SOD2: variants seen among roughly 807,000 people sequenced by gnomAD.
SOD2 encodes the protein superoxide dismutase [Mn], mitochondrial.
In SOD2, 11 loss-of-function variants were observed where a neutral mutation model predicts 27.0. The observed-to-expected ratio is 0.41, with a 90% confidence interval of 0.26 to 0.67. The LOEUF is 0.67. SOD2 is among the 30% of genes least tolerant of loss of function. The probability of loss-of-function intolerance (pLI) is 0.34; values close to 1 mark genes in which losing one functional copy is unlikely to be tolerated. For missense variants in SOD2, 250 were observed against 274.5 expected, an observed-to-expected ratio of 0.91 and a Z score of 0.63; for synonymous variants, 105 against 103.0, an observed-to-expected ratio of 1.02 and a Z score of -0.12.
chr6:159,727,825 C>A, upstream of SOD2: 1 of 681,192 alleles, frequency 1.5e-6, no homozygotes, highest in Non-Finnish European at 1.8e-6. Context: ...GGGCCTGGTG[C>A]GGCACCGGTC....
chr6:159,755,760 C>CTTTTTTTTTTTTTTTTTTTTTTTTTTTT (rs1779984995), intron 1 of SOD2: 3 of 283,704 alleles, frequency 1.1e-5, no homozygotes, highest in African/African-American at 1.0e-4. Flanking sequence ...TTTTTTTTTT[C>CTTTTTTTTTTTTTTTTTTTTTTTTTTTT]TTTTCTTTTT....
chr6:159,692,817 G>T lies in SOD2; in HGVS notation c.70C>A (p.Gln24Lys), dbSNP rs1304362674. The T allele has an allele frequency of 1.2e-6, 2 of 1,613,590 alleles. No homozygotes were observed. Among genetic ancestry groups the T allele is most frequent in the Admixed American group, 3.3e-5 (2 of 59,948 alleles). ...GGCAGGTCGGGGAGGCTGTGCTTCT[G>T]CCTGGAGCCCAGATACCCCAAAACC... ...APVLGYLGSR[Q>K]KHSLPDLPYD... is the part of the protein sequence containing the mutation. The change falls in exon 2 of 5, where the codon CAG becomes AAG. Residue 24 changes from glutamine (Q) to lysine (K), a missense_variant. Physicochemically the swap from Gln to Lys is moderately conservative, Grantham distance 53 (BLOSUM62 1). Coordinates refer to ENST00000538183, the MANE Select transcript of SOD2 (RefSeq NM_000636.4).
intron 1 of SOD2, among the ~76,000 whole-genome samples, chr6:159,710,266 A>AGTACAT (rs1777706868): frequency 1.4e-5 from 1 of 71,862 alleles, no homozygotes; most frequent in Non-Finnish European, 3.0e-5. Flanking sequence ...TTAAAGTATA[A>AGTACAT]ATACATATAT....
chr6:159,756,866 C>T (rs546631836), intron 1 of SOD2, among the ~76,000 whole-genome samples: 17 of 152,192 alleles, frequency 1.1e-4, no homozygotes, highest in African/African-American at 3.1e-4. Context: ...GGCTTCCCAA[C>T]GTGTTGGGAT....
Position 159,675,601 on chromosome 6 carries a change from G to C in SOD2, c.*6892C>G, listed in dbSNP as rs1450338994. The stretch of plus-strand genomic sequence containing the variant: ...ACACCTTATACAAAAATTAATTCAA[G>C]ATGGATTAAAGACTTAAATGTTAGA... On this transcript the variant is annotated 3_prime_UTR_variant, in exon 5 of 5. Coordinates refer to ENST00000538183, the MANE Select transcript of SOD2 (RefSeq NM_000636.4). The C allele has an allele frequency of 2.6e-5, 4 of 152,158 alleles. No homozygotes were observed. Among genetic ancestry groups the C allele is most frequent in the Admixed American group, 2.6e-4 (4 of 15,276 alleles). 9.4% of individuals were successfully genotyped at this position (152,158 alleles called of 1,614,324 possible).
Position 159,676,554 on chromosome 6 carries a change from A to G in SOD2, c.*5939T>C, listed in dbSNP as rs1779784659. ...TAGATGGGAATTGAACAATGAGAAC[A>G]CTTGGACACAGGAAGGGGAACATCA... On this transcript the variant is annotated 3_prime_UTR_variant, in exon 5 of 5. Transcript: ENST00000538183. The G allele has an allele frequency of 6.6e-6, 1 of 152,116 alleles. No homozygotes were observed. Among genetic ancestry groups the G allele is most frequent in the Non-Finnish European group, 1.5e-5 (1 of 68,044 alleles). 9.4% of individuals were successfully genotyped at this position (152,116 alleles called of 1,614,324 possible).
chr6:159,694,697 G>A (rs1273195870), upstream of SOD2, among the ~76,000 whole-genome samples: 1 of 151,982 alleles, frequency 6.6e-6, no homozygotes, highest in Non-Finnish European at 1.5e-5. Context: ...CCGGGTTCAA[G>A]CGATTCTCCT....
chr6:159,690,962 G>C (rs536210190), intron 2 of SOD2: 11 of 152,236 alleles, frequency 7.2e-5, no homozygotes, highest in Non-Finnish European at 1.5e-4. Flanking sequence ...AATGTGATGA[G>C]ATTATGACAT....
intron 1 of SOD2, among the ~76,000 whole-genome samples, chr6:159,752,182 C>T (rs147136706): frequency 6.6e-6 from 1 of 152,036 alleles, no homozygotes; most frequent in African/African-American, 2.4e-5. Context: ...GTGTATCAGG[C>T]AAGTGAAAGC....
chr6:159,726,168 A>T (rs1562445251), intron 1 of SOD2: 1 of 152,116 alleles, frequency 6.6e-6, no homozygotes, highest in Non-Finnish European at 1.5e-5. Flanking sequence ...CCATTTTTCC[A>T]CTCCCACCAG....
At chr6:159,708,530 GA>G (rs1161975748) in intron 1 of SOD2, among the ~76,000 whole-genome samples, 1 of 152,140 alleles carries the variant, frequency 6.6e-6, no homozygotes. Context: ...TTGCTTCAAA[GA>G]GAATAAAATA....
At chr6:159,714,399 C>T (rs1210235989) in intron 1 of SOD2, among the ~76,000 whole-genome samples, 1 of 152,158 alleles carries the variant, frequency 6.6e-6, no homozygotes, top group Non-Finnish European at 1.5e-5. Context: ...TAGCTTCCAT[C>T]GGGAACAGAC....
At chr6:159,727,934 G>A (rs557046388), upstream of SOD2, among the ~76,000 whole-genome samples, 1 of 152,368 alleles carries the variant, frequency 6.6e-6, no homozygotes, top group South Asian at 2.1e-4. Flanking sequence ...GGGTTGAGAG[G>A]GGTGCTCTGG....
chr6:159,697,591 C>A (rs1777446759), upstream of SOD2, among the ~76,000 whole-genome samples: 1 of 152,124 alleles, frequency 6.6e-6, no homozygotes, highest in Non-Finnish European at 1.5e-5. Context: ...TTCTGTTAAA[C>A]AAAGGGATAA....
chr6:159,695,926 G>A (rs73802626), upstream of SOD2, among the ~76,000 whole-genome samples: 5,858 of 152,272 alleles, frequency 0.038, 296 homozygotes, highest in African/African-American at 0.11. Context: ...AGGACACCAT[G>A]AATATGGATT....
chr6:159,670,562 A>C lies in SOD2; in HGVS notation c.*11931T>G, dbSNP rs1423002045. The C allele has an allele frequency of 6.6e-6, 1 of 152,230 alleles. No individual in the cohort carries two copies. The allele number at this position is 152,230 out of a possible 1,614,324, so 9.4% of individuals were successfully genotyped here. ...ATATCAATATCCATTTATCCTCTAT[A>C]ATCATAGTCAATACACAGAGAAAAC... is the stretch of plus-strand genomic sequence containing the variant. On this transcript the variant is annotated 3_prime_UTR_variant, in exon 5 of 5. Coordinates refer to ENST00000538183, the MANE Select transcript of SOD2 (RefSeq NM_000636.4).
chr6:159,722,867 A>C (rs1778067549), intron 1 of SOD2, among the ~76,000 whole-genome samples: 1 of 152,156 alleles, frequency 6.6e-6, no homozygotes, highest in South Asian at 2.1e-4. Context: ...CTAAATAATA[A>C]CTTCTATGAC....
At chr6:159,756,594 CTTT>C (rs3066261) in intron 1 of SOD2, among the ~76,000 whole-genome samples, 7 of 94,374 alleles carry the variant, frequency 7.4e-5, no homozygotes, top group African/African-American at 7.6e-5. Flanking sequence ...ATTTCTTAGG[CTTT>C]TTTTTTTTTT....
chr6:159,686,105 G>C (rs1402653163), intron 3 of SOD2, among the ~76,000 whole-genome samples: 1 of 152,038 alleles, frequency 6.6e-6, no homozygotes, highest in Non-Finnish European at 1.5e-5. Flanking sequence ...CTTTTATTCT[G>C]TAGTAATACA....
Sources: allele counts gnomAD v4.1 joint callset (sites outside exome capture counted in the v4.1 genomes callset), GRCh38; gene constraint gnomAD v4.1.1; transcripts MANE v1.5; gene names NCBI Gene and HGNC (gene_info 2026-07-23, HGNC 2026-07-21).